MGST2: variants seen among roughly 807,000 people sequenced by gnomAD.
MGST2 encodes the protein glutathione peroxidase MGST2.
Under a neutral mutation model 16.6 loss-of-function variants are expected in MGST2, and 9 were observed. The observed-to-expected ratio is 0.54, with a 90% confidence interval of 0.33 to 0.95. The LOEUF is 0.95. Among genes scored for constraint, MGST2 ranks in the 40% least tolerant of loss-of-function variants. MGST2 has a pLI of 0.03. For missense variants in MGST2, 159 were observed against 175.1 expected (o/e 0.91, Z 0.52); for synonymous variants, 79 against 68.0 (o/e 1.16, Z -0.79).
chr4:139,695,424 C>T (rs1726862240), intron 3 of MGST2, among the ~76,000 whole-genome samples, 157 bp downstream of exon 3: 2 of 152,144 alleles, frequency 1.3e-5, no homozygotes, highest in African/African-American at 4.8e-5. Flanking sequence ...GAGTTCGAGA[C>T]CAGCCTGGCC....
intron 5 of MGST2, among the ~76,000 whole-genome samples, chr4:139,728,603 C>T (rs1728571820): frequency 6.6e-6 from 1 of 152,194 alleles, no homozygotes; most frequent in South Asian, 2.1e-4. Context: ...CTCCCCTCAT[C>T]CCTCATCATC....
intron 2 of MGST2, 72 bp from the exon 3 acceptor site, chr4:139,695,125 C>G (rs1282436353): frequency 1.9e-6 from 2 of 1,070,846 alleles, no homozygotes; most frequent in African/African-American, 3.1e-5. Flanking sequence ...ACATTTACCT[C>G]TAGATGAAAA....
At chr4:139,714,028 G>A (rs900334862) in intron 5 of MGST2, among the ~76,000 whole-genome samples, 3 of 152,180 alleles carry the variant, frequency 2.0e-5, no homozygotes, top group African/African-American at 7.2e-5. Flanking sequence ...CCTGGAAGGT[G>A]GAGACCACGG....
chr4:139,707,985 A>T (rs1285990217), downstream of MGST2, among the ~76,000 whole-genome samples: 1 of 151,378 alleles, frequency 6.6e-6, no homozygotes, highest in Non-Finnish European at 1.5e-5. Flanking sequence ...GGTTGCAAAA[A>T]TTTTCTCCCA....
At chr4:139,674,288 A>G (rs1446427201) in intron 1 of MGST2, among the ~76,000 whole-genome samples, 1 of 152,176 alleles carries the variant, frequency 6.6e-6, no homozygotes, top group Non-Finnish European at 1.5e-5. Context: ...CTCAAAGTCT[A>G]TATCCAGGTC....
chr4:139,731,750 G>C (rs1043502084), intron 5 of MGST2, among the ~76,000 whole-genome samples: 1 of 152,226 alleles, frequency 6.6e-6, no homozygotes, highest in African/African-American at 2.4e-5. Context: ...TTAGGGAAGA[G>C]GAGGTCAAGT....
At chr4:139,743,934 G>C (rs2031670595), downstream of MGST2, among the ~76,000 whole-genome samples, 1 of 152,184 alleles carries the variant, frequency 6.6e-6, no homozygotes, top group Non-Finnish European at 1.5e-5. Context: ...GGTGCTGAGA[G>C]CTCACATGTG....
intron 5 of MGST2, chr4:139,720,436 T>C: frequency 1.1e-6 from 1 of 881,972 alleles, no homozygotes; most frequent in Non-Finnish European, 1.6e-6. Context: ...TGAAAGGATC[T>C]ACTCTGATAA....
chr4:139,719,221 G>T (rs1336211249), intron 5 of MGST2: 2 of 1,378,280 alleles, frequency 1.5e-6, no homozygotes, highest in African/African-American at 1.5e-5. Flanking sequence ...CTCAGTTTAC[G>T]TGGGTCAAAA....
chr4:139,730,124 C>T (rs1418445377), intron 5 of MGST2, among the ~76,000 whole-genome samples: 6 of 152,164 alleles, frequency 3.9e-5, no homozygotes, highest in Non-Finnish European at 8.8e-5. Context: ...GACCCCTGTA[C>T]CAGAAATCAG....
intron 5 of MGST2, chr4:139,719,229 A>G (rs943382031): frequency 6.9e-7 from 1 of 1,447,100 alleles, no homozygotes; most frequent in South Asian, 1.5e-5. Context: ...ACGTGGGTCA[A>G]AAAAACAAAA....
chr4:139,684,898 T>G (rs1029346961), intron 2 of MGST2, among the ~76,000 whole-genome samples: 1 of 152,082 alleles, frequency 6.6e-6, no homozygotes, highest in Non-Finnish European at 1.5e-5. Flanking sequence ...CCACCTCCTG[T>G]GATGGGGAGC....
intron 2 of MGST2, among the ~76,000 whole-genome samples, chr4:139,679,581 T>C (rs1173082951): frequency 6.6e-6 from 1 of 152,240 alleles, no homozygotes; most frequent in Non-Finnish European, 1.5e-5. Context: ...TTAATGATTA[T>C]TGGACTAGGC....
chr4:139,731,684 G>A (rs1202619290), intron 5 of MGST2, among the ~76,000 whole-genome samples: 4 of 152,074 alleles, frequency 2.6e-5, no homozygotes, highest in Non-Finnish European at 5.9e-5. Context: ...TGGGTCTCTT[G>A]ATTCTATAAT....
chr4:139,666,133 T>TGG, intron 1 of MGST2, 56 bp downstream of exon 1: 1 of 1,542,226 alleles, frequency 6.5e-7, no homozygotes, highest in Non-Finnish European at 9.0e-7. Context: ...TGTGTGTGTG[T>TGG]GACAAGGCTT....
intron 5 of MGST2, among the ~76,000 whole-genome samples, chr4:139,723,010 A>G (rs1208448688): frequency 1.3e-5 from 2 of 152,262 alleles, no homozygotes; most frequent in Non-Finnish European, 2.9e-5. Flanking sequence ...AGAAAATGCA[A>G]AGTGATCAGC....
At chr4:139,744,484 T>C (rs1184046744), downstream of MGST2, among the ~76,000 whole-genome samples, 1 of 152,242 alleles carries the variant, frequency 6.6e-6, no homozygotes, top group Non-Finnish European at 1.5e-5. Flanking sequence ...ATGGCTAACA[T>C]GCAAATATTG....
chr4:139,699,608 C>T (rs1362135433), intron 3 of MGST2, among the ~76,000 whole-genome samples: 19 of 152,132 alleles, frequency 1.2e-4, no homozygotes, highest in Admixed American at 1.2e-3. Context: ...AAAGCCACCT[C>T]CTGCACAATC....
chr4:139,678,676 G>C (rs1476273642), intron 2 of MGST2, 34 bp downstream of exon 2: 2 of 1,508,712 alleles, frequency 1.3e-6, no homozygotes, highest in East Asian at 2.3e-5. Context: ...TCATGGATCT[G>C]TGCCTGCCAT....
Sources: gnomAD v4.1 joint callset for allele counts (sites outside exome capture counted in the v4.1 genomes callset) on GRCh38, gnomAD v4.1.1 for gene constraint, MANE v1.5 for transcripts, NCBI Gene and HGNC (gene_info 2026-07-23, HGNC 2026-07-21) for gene names.